Variants in IL1RAPL1 observed in about 807,000 individuals in gnomAD.
IL1RAPL1 encodes interleukin 1 receptor accessory protein like 1, also known as interleukin-1 receptor accessory protein-like 1.
IL1RAPL1 carries 3 observed loss-of-function variants against 48.4 expected under a neutral mutation model. That is an observed-to-expected ratio of 0.06 (90% CI 0.03 to 0.16). The LOEUF (loss-of-function observed/expected upper bound fraction) is 0.16, where lower values mean the gene tolerates loss of function less well. Among genes scored for constraint, IL1RAPL1 ranks in the 10% least tolerant of loss-of-function variants. The pLI is 1.00. For synonymous variants in IL1RAPL1, 185 were observed against 187.7 expected (o/e 0.99, Z 0.12); for missense variants, 349 against 530.6 (o/e 0.66, Z 3.36).
chrX:29,537,883 A>C (rs1921289744), intron 5 of IL1RAPL1, among the ~76,000 whole-genome samples: 1 of 111,666 alleles, frequency 9.0e-6, no homozygotes, highest in Admixed American at 9.5e-5. Flanking sequence ...AGCAAAACCG[A>C]TTTCTTAATG....
intron 2 of IL1RAPL1, among the ~76,000 whole-genome samples, chrX:28,907,147 G>C (rs913827962): frequency 5.4e-5 from 6 of 111,816 alleles, no homozygotes; most frequent in African/African-American, 1.9e-4. Context: ...TTATGAATGA[G>C]TGCTGGATTC....
chrX:29,119,481 T>C (rs1185246412), intron 2 of IL1RAPL1, among the ~76,000 whole-genome samples: 1 of 111,581 alleles, frequency 9.0e-6, no homozygotes, highest in Admixed American at 9.6e-5. Context: ...CTGAACAAAT[T>C]GAAAATCAAC....
At chrX:29,828,180 T>C (rs865840516) in intron 6 of IL1RAPL1, among the ~76,000 whole-genome samples, 18 of 111,475 alleles carry the variant, frequency 1.6e-4, no homozygotes, top group African/African-American at 5.6e-4. Flanking sequence ...GAGGATAAGG[T>C]GAGACCAAAA....
intron 1 of IL1RAPL1, among the ~76,000 whole-genome samples, chrX:28,695,979 TTCAATCAGATGCTTGCA>T (rs1227967188): frequency 1.8e-5 from 2 of 112,184 alleles, no homozygotes; most frequent in East Asian, 2.8e-4. Flanking sequence ...TGATTTAATA[TTCAATCAGATGCTTGCA>T]TCAATCAGAT....
intron 6 of IL1RAPL1, among the ~76,000 whole-genome samples, chrX:29,853,191 T>TA (rs35378764): frequency 0.053 from 4,705 of 88,003 alleles, 132 homozygotes; most frequent in African/African-American, 0.11. Flanking sequence ...ATTATGGCTT[T>TA]AAAAAAAAAA....
At chrX:28,659,766 G>C (rs1346893482) in intron 1 of IL1RAPL1, among the ~76,000 whole-genome samples, 1 of 108,934 alleles carries the variant, frequency 9.2e-6, no homozygotes, top group Admixed American at 9.8e-5. Context: ...AAAATGAAGA[G>C]ATTAATCTTT....
chrX:29,821,231 C>T (rs767475952), intron 6 of IL1RAPL1, among the ~76,000 whole-genome samples: 6 of 110,827 alleles, frequency 5.4e-5, no homozygotes, highest in Non-Finnish European at 9.4e-5. Context: ...AGGCGGATCA[C>T]GAGGTCAGGA....
At chrX:28,611,350 G>A (rs1934145041) in intron 1 of IL1RAPL1, among the ~76,000 whole-genome samples, 1 of 111,448 alleles carries the variant, frequency 9.0e-6, no homozygotes, top group East Asian at 2.8e-4. Context: ...TGTGGGCACT[G>A]TTTGTTAGGT....
intron 5 of IL1RAPL1, among the ~76,000 whole-genome samples, chrX:29,452,812 A>G (rs1934694738): frequency 9.0e-6 from 1 of 111,140 alleles, no homozygotes; most frequent in South Asian, 3.8e-4. Flanking sequence ...AATTAAGTGG[A>G]AAGAGCAATT....
chrX:28,896,531 G>T (rs1922922922), intron 2 of IL1RAPL1, among the ~76,000 whole-genome samples: 1 of 111,195 alleles, frequency 9.0e-6, no homozygotes, highest in Admixed American at 9.6e-5. Context: ...TTTTTAAGAG[G>T]AAATTGCTGG....
intron 2 of IL1RAPL1, among the ~76,000 whole-genome samples, chrX:28,988,868 A>G (rs1038787663): frequency 1.7e-4 from 19 of 111,587 alleles, no homozygotes; most frequent in African/African-American, 6.2e-4. Context: ...TTTTATCTGT[A>G]AGCATTCATT....
At chrX:28,986,918 C>T (rs1194322505) in intron 2 of IL1RAPL1, among the ~76,000 whole-genome samples, 1 of 111,932 alleles carries the variant, frequency 8.9e-6, no homozygotes, top group Non-Finnish European at 1.9e-5. Flanking sequence ...ATGTAATTTG[C>T]ATGGTCATAT....
chrX:29,135,381 T>C (rs1434292588), intron 2 of IL1RAPL1, among the ~76,000 whole-genome samples: 1 of 112,198 alleles, frequency 8.9e-6, no homozygotes, highest in East Asian at 2.8e-4. Context: ...GTGACTACTA[T>C]AACTTAATTT....
At chrX:28,671,674 C>G (rs1027520744) in intron 1 of IL1RAPL1, among the ~76,000 whole-genome samples, 4 of 112,399 alleles carry the variant, frequency 3.6e-5, no homozygotes, top group Non-Finnish European at 7.5e-5. Flanking sequence ...GCCAGAGGTA[C>G]TAGACCAGAA....
intron 5 of IL1RAPL1, among the ~76,000 whole-genome samples, chrX:29,520,870 T>G (rs189339775): frequency 9.0e-6 from 1 of 111,498 alleles, no homozygotes; most frequent in Non-Finnish European, 1.9e-5. Context: ...CAAGTAGGGT[T>G]TTGCCATGAA....
At chrX:29,611,248 C>T (rs5972479) in intron 5 of IL1RAPL1, among the ~76,000 whole-genome samples, 49,842 of 109,870 alleles carry the variant, frequency 0.45, 9,906 homozygotes, top group African/African-American at 0.76. Flanking sequence ...CTGCTCTCTC[C>T]CTCTGAAGTC....
chrX:29,738,957 C>T (rs1928127020), intron 6 of IL1RAPL1, among the ~76,000 whole-genome samples: 1 of 112,433 alleles, frequency 8.9e-6, no homozygotes. Context: ...TTGGATTGCA[C>T]CACAGAGCAA....
intron 2 of IL1RAPL1, among the ~76,000 whole-genome samples, chrX:28,847,644 C>T (rs1033902451): frequency 9.0e-6 from 1 of 110,855 alleles, no homozygotes; most frequent in Non-Finnish European, 1.9e-5. Context: ...ACGTCAGTGC[C>T]TTGCACTTGC....
At chrX:29,204,553 T>C (rs1337833068) in intron 2 of IL1RAPL1, among the ~76,000 whole-genome samples, 1 of 111,777 alleles carries the variant, frequency 8.9e-6, no homozygotes, top group Non-Finnish European at 1.9e-5. Context: ...TTCAGGTCTT[T>C]TGCTTATTTT....
Sources: gnomAD v4.1 joint callset for allele counts (sites outside exome capture counted in the v4.1 genomes callset) on GRCh38, gnomAD v4.1.1 for gene constraint, MANE v1.5 for transcripts, NCBI Gene and HGNC (gene_info 2026-07-23, HGNC 2026-07-21) for gene names.